The following XKR6 variants were observed in gnomAD, a reference collection of about 807,000 sequenced individuals.
XKR6 encodes XK-related protein 6.
A neutral mutation model predicts 56.7 loss-of-function variants in XKR6; 22 were observed. The ratio of observed to expected loss-of-function variants is 0.39; its 90% CI spans 0.28 to 0.55. XKR6 has a LOEUF of 0.55. XKR6 is among the 20% of genes least tolerant of loss of function. The probability of loss-of-function intolerance (pLI) is 0.66; values close to 1 mark genes in which losing one functional copy is unlikely to be tolerated. For synonymous variants in XKR6, 524 were observed against 387.8 expected, an observed-to-expected ratio of 1.35 and a Z score of -4.13; for missense variants, 852 against 889.0, an observed-to-expected ratio of 0.96 and a Z score of 0.53.
chr8:11,063,440 C>T (rs1389775717), intron 1 of XKR6, among the ~76,000 whole-genome samples: 2 of 150,910 alleles, frequency 1.3e-5, no homozygotes, highest in Middle Eastern at 3.2e-3. Flanking sequence ...GGAGGCTGCA[C>T]TGAGCTACGA....
intron 1 of XKR6, among the ~76,000 whole-genome samples, chr8:11,011,059 A>G (rs1165693433): frequency 1.3e-5 from 2 of 152,236 alleles, no homozygotes; most frequent in African/African-American, 4.8e-5. Context: ...TGTTTAACAG[A>G]TGAGAAAGCT....
chr8:10,941,686 C>G (rs113031974), intron 1 of XKR6, among the ~76,000 whole-genome samples: 1 of 152,358 alleles, frequency 6.6e-6, no homozygotes, highest in African/African-American at 2.4e-5. Flanking sequence ...TCAGAGCCTA[C>G]AGTCTGTGTG....
At chr8:10,927,189 A>C (rs1178989079) in intron 1 of XKR6, among the ~76,000 whole-genome samples, 1 of 152,148 alleles carries the variant, frequency 6.6e-6, no homozygotes, top group Non-Finnish European at 1.5e-5. Context: ...AGGCTGATCA[A>C]CCGTGATGGC....
chr8:10,956,381 T>C lies in XKR6; in HGVS notation c.765-31551A>G, dbSNP rs576211598. The stretch of plus-strand genomic sequence containing the variant: ...TTGCCAGGCGTCTATCCCTGGGCCC[T>C]GGAGACCCATCTGCAGGATCTGCCC... On this transcript the variant is annotated intron_variant, in intron 1 of 2. Coordinates refer to ENST00000416569, the MANE Select transcript of XKR6 (RefSeq NM_173683.4). 2.6e-5 allele frequency among the ~76,000 whole-genome samples: 4 copies of C among 152,276 alleles called. No homozygotes were observed. The South Asian group carries it at 8.3e-4, about 32-fold the overall frequency.
chr8:11,186,837 A>G (rs962136837), intron 1 of XKR6, among the ~76,000 whole-genome samples: 2 of 152,192 alleles, frequency 1.3e-5, no homozygotes, highest in Non-Finnish European at 2.9e-5. Context: ...AGTCACTGAC[A>G]TTGTTGTTAT....
intron 1 of XKR6, among the ~76,000 whole-genome samples, chr8:11,189,745 G>C (rs1204964542): frequency 1.3e-5 from 2 of 152,146 alleles, no homozygotes; most frequent in Non-Finnish European, 2.9e-5. Context: ...TGAAAACCTA[G>C]ATTTTTTAAA....
intron 1 of XKR6, among the ~76,000 whole-genome samples, chr8:11,115,319 G>C (rs1452770109): frequency 6.6e-6 from 1 of 152,126 alleles, no homozygotes; most frequent in Non-Finnish European, 1.5e-5. Flanking sequence ...TAATGCCTCA[G>C]GCTATTTTGA....
chr8:11,095,982 A>C (rs1798253023), intron 1 of XKR6, among the ~76,000 whole-genome samples: 1 of 152,256 alleles, frequency 6.6e-6, no homozygotes, highest in Admixed American at 6.5e-5. Flanking sequence ...GAGCAGAAGA[A>C]AGCATAAAAT....
chr8:11,025,968 G>C (rs73541254), intron 1 of XKR6, among the ~76,000 whole-genome samples: 4,548 of 152,232 alleles, frequency 0.03, 236 homozygotes, highest in African/African-American at 0.1. Context: ...ATCAGTACAA[G>C]AGATTAAAAC....
chr8:10,946,473 C>T (rs996498917), intron 1 of XKR6, among the ~76,000 whole-genome samples: 23 of 151,940 alleles, frequency 1.5e-4, no homozygotes, highest in Non-Finnish European at 3.2e-4. Context: ...CCATAGTGGG[C>T]TTATCATTAA....
intron 1 of XKR6, among the ~76,000 whole-genome samples, chr8:11,088,211 C>T (rs1797955742): frequency 6.6e-6 from 1 of 152,040 alleles, no homozygotes; most frequent in South Asian, 2.1e-4. Context: ...TCTGTATCAC[C>T]TTAGATGTAA....
chr8:11,037,201 G>A (rs1799168608), intron 1 of XKR6, among the ~76,000 whole-genome samples: 1 of 152,198 alleles, frequency 6.6e-6, no homozygotes, highest in Admixed American at 6.5e-5. Context: ...CCACTTATGT[G>A]ATTACATGAG....
chr8:11,086,959 C>A (rs1247361168), intron 1 of XKR6, among the ~76,000 whole-genome samples: 1 of 152,226 alleles, frequency 6.6e-6, no homozygotes, highest in Non-Finnish European at 1.5e-5. Flanking sequence ...CAGGCAGTGG[C>A]TCCATGGTCT....
At chr8:10,911,972 A>G (rs1800387831) in intron 2 of XKR6, among the ~76,000 whole-genome samples, 1 of 150,162 alleles carries the variant, frequency 6.7e-6, no homozygotes, top group South Asian at 2.1e-4. Flanking sequence ...TTACACATAT[A>G]TATGGAGAAA....
chr8:11,161,932 C>G (rs1230333496), intron 1 of XKR6, among the ~76,000 whole-genome samples: 2 of 152,052 alleles, frequency 1.3e-5, no homozygotes, highest in Admixed American at 1.3e-4. Context: ...GTAGTGAATA[C>G]AAGGAACTGA....
chr8:10,937,713 G>GGGGGTCA (rs1207325683), intron 1 of XKR6, among the ~76,000 whole-genome samples: 3 of 147,780 alleles, frequency 2.0e-5, no homozygotes, highest in Admixed American at 1.3e-4. Context: ...TAGGCTGCTC[G>GGGGGTCA]GGGGTCAGGG....
chr8:10,991,974 A>AC (rs1268965903), intron 1 of XKR6, among the ~76,000 whole-genome samples: 1 of 152,186 alleles, frequency 6.6e-6, no homozygotes, highest in Non-Finnish European at 1.5e-5. Flanking sequence ...CCACATTCTA[A>AC]CTTCCTGTCT....
chr8:10,982,280 C>T (rs1209899039), intron 1 of XKR6, among the ~76,000 whole-genome samples: 1 of 152,148 alleles, frequency 6.6e-6, no homozygotes, highest in African/African-American at 2.4e-5. Context: ...TCCAAGAAAG[C>T]AAATGAAAGA....
At chr8:11,108,880 A>G (rs1160502040) in intron 1 of XKR6, 1 of 152,340 alleles carries the variant, frequency 6.6e-6, no homozygotes, top group African/African-American at 2.4e-5. Flanking sequence ...TTCCCAGGAA[A>G]AGGATCCATA....
Sources: allele counts gnomAD v4.1 joint callset (sites outside exome capture counted in the v4.1 genomes callset), GRCh38; gene constraint gnomAD v4.1.1; transcripts MANE v1.5; gene names NCBI Gene and HGNC (gene_info 2026-07-23, HGNC 2026-07-21).